ANKRD28: variants seen among roughly 807,000 people sequenced by gnomAD.
ANKRD28 encodes the protein ankyrin repeat domain 28.
ANKRD28 carries 44 observed loss-of-function variants against 126.5 expected under a neutral mutation model. The observed-to-expected ratio is 0.35, with a 90% CI of 0.27 to 0.45. The LOEUF is 0.45. Among genes scored for constraint, ANKRD28 ranks in the 20% least tolerant of loss-of-function variants. ANKRD28 has a pLI of 1.00. For missense variants in ANKRD28, 1,110 were observed against 1,316.6 expected, an observed-to-expected ratio of 0.84 and a Z score of 2.43; for synonymous variants, 442 against 468.5, an observed-to-expected ratio of 0.94 and a Z score of 0.73.
chr3:15,723,808 G>C (rs900257486), intron 7 of ANKRD28, among the ~76,000 whole-genome samples: 1 of 152,070 alleles, frequency 6.6e-6, no homozygotes, highest in African/African-American at 2.4e-5. Context: ...AGGGAGTAAA[G>C]TACTTATGTT....
At chr3:15,733,789 GTAAC>G (rs2074824498) in intron 6 of ANKRD28, among the ~76,000 whole-genome samples, 1 of 151,790 alleles carries the variant, frequency 6.6e-6, no homozygotes, top group African/African-American at 2.4e-5. Context: ...TTTTTTCAGA[GTAAC>G]TATACTGGAA....
chr3:15,690,024 G>A lies in ANKRD28; in HGVS notation c.1958C>T (p.Ala653Val). The change falls in exon 18 of 28, where the codon GCA becomes GTA. Residue 653 changes from alanine to valine, a missense_variant. Ala to Val is a moderately conservative substitution (Grantham distance 64, BLOSUM62 0). Transcript: ENST00000683139. ...AAGCATAATATCTGGCATACCTGCT[G>A]CATGAATAGGTGTCCTCTTCAAAAT... ...DYILKRTPIH[A>V]AATNGHSECL... 1 of 1,605,104 alleles carries A rather than the reference G, an allele frequency of 6.2e-7. No individual in the cohort carries two copies. The highest frequency in any genetic ancestry group is 8.5e-7 in the Non-Finnish European group (1 of 1,174,898).
intron 18 of ANKRD28, among the ~76,000 whole-genome samples, chr3:15,689,152 A>C (rs2068490804): frequency 1.3e-5 from 2 of 152,212 alleles, no homozygotes; most frequent in South Asian, 4.1e-4. Context: ...AGCTCTTGGT[A>C]ATCTCCTTGG....
intron 1 of ANKRD28, among the ~76,000 whole-genome samples, chr3:15,822,307 G>C (rs572450355): frequency 6.6e-6 from 1 of 152,236 alleles, no homozygotes; most frequent in South Asian, 2.1e-4. Context: ...GGGAGTTGTT[G>C]GGGGGAGATC....
In ANKRD28 at chr3:15,817,273, T is replaced by TC. The variant is rs2060851741; in HGVS notation, c.28-21968dup. Reference sequence around the variant, plus strand: ...CAGTAGAAGTACCATGGTTTTTTTTTCCTTGTTATTTTGTTTTTGTCCCAA... The same window carrying TC: ...CAGTAGAAGTACCATGGTTTTTTTTTCCCTTGTTATTTTGTTTTTGTCCCAA... On this transcript the variant is annotated intron_variant, in intron 1 of 27. Coordinates refer to the ANKRD28 transcript ENST00000399451. This position sits in a 1 kb window ranked among gnomAD's most constrained non-coding sequence, Gnocchi z 4.5. 6.6e-6 allele frequency among the ~76,000 whole-genome samples: 1 copy of TC among 151,794 alleles called. No homozygotes were observed. The highest frequency in any genetic ancestry group is 1.5e-5 in the Non-Finnish European group (1 of 67,942).
At chr3:15,781,617 G>A (rs919733185) in intron 2 of ANKRD28, 4 of 152,040 alleles carry the variant, frequency 2.6e-5, no homozygotes, top group African/African-American at 4.8e-5. Flanking sequence ...CCAGTTGTTC[G>A]GCAGGCTAAT....
chr3:15,806,773 C>T (rs986280962), intron 1 of ANKRD28, among the ~76,000 whole-genome samples: 6 of 152,134 alleles, frequency 3.9e-5, no homozygotes, highest in African/African-American at 4.8e-5. Flanking sequence ...TCGCCCACCT[C>T]GGACTCCCAA....
Position 15,695,222 on chromosome 3 carries a change from A to G in ANKRD28, c.1660-8T>C. The G allele has an allele frequency of 5.7e-6, 9 of 1,572,228 alleles. No individual in the cohort carries two copies. Among genetic ancestry groups the G allele is most frequent in the Non-Finnish European group, 7.8e-6 (9 of 1,153,488 alleles). Reference sequence around the variant, plus strand: ...AGGAGTTTCACTTGCAATCTGAAATAAAAGTCAAAACAAAAATATTTAGCT... The same window carrying G: ...AGGAGTTTCACTTGCAATCTGAAATGAAAGTCAAAACAAAAATATTTAGCT... On this transcript the variant is annotated splice_region_variant and splice_polypyrimidine_tract_variant and intron_variant, in intron 15 of 27. Coordinates refer to ENST00000683139, the MANE Select transcript of ANKRD28 (RefSeq NM_001349278.2).
intron 17 of ANKRD28, among the ~76,000 whole-genome samples, chr3:15,692,699 GA>G (rs2068968909): frequency 6.6e-6 from 1 of 152,132 alleles, no homozygotes; most frequent in Non-Finnish European, 1.5e-5. Flanking sequence ...AGTAACTTCT[GA>G]AAACCTCCTA....
intron 27 of ANKRD28, among the ~76,000 whole-genome samples, chr3:15,673,596 G>A (rs754906548): frequency 2.6e-5 from 4 of 151,960 alleles, no homozygotes; most frequent in Non-Finnish European, 4.4e-5. Flanking sequence ...GGTTAACAAG[G>A]ACTGAGAATG....
intron 3 of ANKRD28, among the ~76,000 whole-genome samples, chr3:15,752,472 T>C (rs975032268): frequency 6.6e-5 from 10 of 152,134 alleles, no homozygotes; most frequent in African/African-American, 2.4e-4. Context: ...CTTAATAGAA[T>C]GCAAACACAT....
intron 3 of ANKRD28, chr3:15,756,604 G>T (rs1271643030): frequency 6.1e-6 from 4 of 651,738 alleles, no homozygotes; most frequent in Admixed American, 1.3e-4. Flanking sequence ...TCTCATAATG[G>T]CTGTATAACT....
In ANKRD28 at chr3:15,749,197, G is replaced by A. The variant is rs561286994; in HGVS notation, c.351+2553C>T. On this transcript the variant is annotated intron_variant, in intron 4 of 27. Coordinates refer to ENST00000683139, the MANE Select transcript of ANKRD28 (RefSeq NM_001349278.2). ...GCAATCTCGGCTCACTGCAAGCTCC[G>A]CTTCCCGGGTTCACGCCATTCTCCT... Among the ~76,000 whole-genome samples the A allele has an allele frequency of 7.3e-4, 104 of 141,656 alleles. 1 individual carries two copies. Among genetic ancestry groups the A allele is most frequent in the South Asian group, 6.6e-3 (29 of 4,372 alleles). The allele number at this position is 141,656 out of a possible 152,430, so 92.9% of individuals were successfully genotyped here.
At chr3:15,691,786 A>G (rs1039680613) in intron 17 of ANKRD28, among the ~76,000 whole-genome samples, 3 of 152,220 alleles carry the variant, frequency 2.0e-5, no homozygotes, top group Non-Finnish European at 4.4e-5. Context: ...TATGCTACTG[A>G]AAGAATGAAC....
Position 15,737,040 on chromosome 3 carries a change from T to A in ANKRD28, c.545A>T (p.His182Leu), listed in dbSNP as rs767844555. 6.2e-7 allele frequency: 1 copy of A among 1,613,838 alleles called. No homozygotes were observed. Among genetic ancestry groups the A allele is most frequent in the Non-Finnish European group, 8.5e-7 (1 of 1,179,866 alleles). Residue 182 changes from histidine (H) to leucine (L), a missense_variant, in exon 5 of 28, where the codon CAT (histidine) becomes CTT (leucine). Transcript: ENST00000683139. ...TALHHAAFSG[H>L]GEMVKLLLSR... ...TAATTGAATGCCACCTACCTCACCA[T>A]GTCCACTGAAAGCTGCATGATGTAA...
At chr3:15,779,438 G>C (rs908824241) in intron 2 of ANKRD28, among the ~76,000 whole-genome samples, 1 of 152,146 alleles carries the variant, frequency 6.6e-6, no homozygotes, top group Non-Finnish European at 1.5e-5. Flanking sequence ...ATAGCTACAA[G>C]AGAAAAGAAA....
In ANKRD28 at chr3:15,797,568, AAGG is replaced by A; in HGVS notation, c.-1050_-1048del. On this transcript the variant is annotated 5_prime_UTR_variant, in exon 1 of 28. Coordinates refer to ENST00000683139, the MANE Select transcript of ANKRD28 (RefSeq NM_001349278.2). ...GCTTTTTGTTTTCTTTAAAAAAAAA[AAGG>A]GGGGGGAAAAACATAGTAGTGTATC... 2 of 985,068 alleles carry A rather than the reference AAGG, an allele frequency of 2.0e-6. No individual in the cohort carries two copies. The highest frequency in any genetic ancestry group is 1.2e-6 in the Non-Finnish European group (1 of 829,840). 61.0% of individuals were successfully genotyped at this position (985,068 alleles called of 1,614,324 possible).
chr3:15,786,186 T>C (rs1019079582), intron 2 of ANKRD28, among the ~76,000 whole-genome samples: 7 of 152,088 alleles, frequency 4.6e-5, no homozygotes, highest in African/African-American at 1.7e-4. Flanking sequence ...TTTTGAGCCA[T>C]AATGATATGT....
At chr3:15,840,513 A>T (rs2061405255) in intron 1 of ANKRD28, among the ~76,000 whole-genome samples, 4 of 152,176 alleles carry the variant, frequency 2.6e-5, no homozygotes, top group Admixed American at 1.3e-4. Flanking sequence ...TACCAATGAC[A>T]TTCTTCACAG....
Sources: allele counts gnomAD v4.1 joint callset (sites outside exome capture counted in the v4.1 genomes callset), GRCh38; gene constraint gnomAD v4.1.1; non-coding constraint Gnocchi (gnomAD v3.1); transcripts MANE v1.5; gene names NCBI Gene and HGNC (gene_info 2026-07-23, HGNC 2026-07-21).